AP4E1: variants seen among roughly 807,000 people sequenced by gnomAD.
The protein encoded by AP4E1 is adaptor related protein complex 4 subunit epsilon 1, also known as AP-4 complex subunit epsilon-1.
AP4E1 carries 56 observed loss-of-function variants against 128.2 expected under a neutral mutation model. The ratio of observed to expected loss-of-function variants is 0.44; its 90% CI spans 0.35 to 0.55. The LOEUF (loss-of-function observed/expected upper bound fraction) is 0.55. AP4E1 is among the 20% of genes least tolerant of loss of function. The pLI, the probability that AP4E1 is intolerant of heterozygous loss-of-function variation, is 0.00. For missense variants in AP4E1, 1,324 were observed against 1,307.7 expected, an observed-to-expected ratio of 1.01 and a Z score of -0.19; for synonymous variants, 484 against 473.1, an observed-to-expected ratio of 1.02 and a Z score of -0.30.
chr15:50,919,993 CT>C (rs1247453625), intron 3 of AP4E1, among the ~76,000 whole-genome samples: 1 of 145,050 alleles, frequency 6.9e-6, no homozygotes, highest in Non-Finnish European at 1.5e-5. Context: ...CAGAGGATTG[CT>C]TGAACCTGGG....
chr15:50,964,991 A>ACACACACACACACC, intron 14 of AP4E1, among the ~76,000 whole-genome samples: 1 of 150,674 alleles, frequency 6.6e-6, no homozygotes, highest in Non-Finnish European at 1.5e-5. Flanking sequence ...ACACACACAC[A>ACACACACACACACC]CTGGACTTTC....
At chr15:50,910,325 A>G (rs1048779065) in intron 1 of AP4E1, among the ~76,000 whole-genome samples, 2 of 152,152 alleles carry the variant, frequency 1.3e-5, no homozygotes, top group African/African-American at 4.8e-5. Context: ...TAGTATACCG[A>G]TTCACAGCTA....
intron 10 of AP4E1, among the ~76,000 whole-genome samples, chr15:50,946,793 C>T (rs914872882): frequency 6.6e-6 from 1 of 152,162 alleles, no homozygotes; most frequent in Non-Finnish European, 1.5e-5. Flanking sequence ...CTGTGGCAAG[C>T]CATGCAAATG....
intron 15 of AP4E1, among the ~76,000 whole-genome samples, chr15:50,974,664 C>T (rs1426508874): frequency 6.6e-6 from 1 of 152,168 alleles, no homozygotes; most frequent in South Asian, 2.1e-4. Flanking sequence ...CTGACTTCTT[C>T]ACATCCTTCC....
At chr15:50,965,567 G>A (rs1461038448) in intron 14 of AP4E1, among the ~76,000 whole-genome samples, 1 of 152,204 alleles carries the variant, frequency 6.6e-6, no homozygotes, top group East Asian at 1.9e-4. Flanking sequence ...ATATTGCAGA[G>A]GATACAGAGG....
intron 11 of AP4E1, among the ~76,000 whole-genome samples, chr15:50,948,675 A>G (rs75896376): frequency 1.6e-3 from 247 of 152,344 alleles, no homozygotes; most frequent in Admixed American, 3.5e-3. Context: ...CATTCATTAA[A>G]AAATGTTACT....
intron 19 of AP4E1, among the ~76,000 whole-genome samples, chr15:51,000,141 CTT>C (rs11383470): frequency 4.1e-5 from 5 of 120,808 alleles, no homozygotes; most frequent in Admixed American, 9.5e-5. Flanking sequence ...TTTGTTCATT[CTT>C]TTTTTTTTTT....
At chr15:50,909,726 C>T (rs1486889496) in intron 1 of AP4E1, among the ~76,000 whole-genome samples, 2 of 151,976 alleles carry the variant, frequency 1.3e-5, no homozygotes, top group Non-Finnish European at 2.9e-5. Flanking sequence ...CTCGCTCTGT[C>T]GCGCAGGCTG....
chr15:50,950,253 C>G (rs754436457), intron 13 of AP4E1, 84 bp downstream of exon 13: 7 of 962,356 alleles, frequency 7.3e-6, no homozygotes, highest in Non-Finnish European at 1.1e-5. Flanking sequence ...AGAAACCATT[C>G]GCTTTACTCA....
intron 15 of AP4E1, among the ~76,000 whole-genome samples, chr15:50,971,415 C>T (rs1771101060): frequency 6.6e-6 from 1 of 152,074 alleles, no homozygotes; most frequent in South Asian, 2.1e-4. Flanking sequence ...CTAAAATGTG[C>T]CACAAAAAGG....
chr15:50,995,333 A>T (rs1004982184), intron 17 of AP4E1, among the ~76,000 whole-genome samples: 1 of 149,326 alleles, frequency 6.7e-6, no homozygotes, highest in Admixed American at 6.6e-5. Flanking sequence ...TTTTGAATTA[A>T]TTTTTTATAT....
chr15:50,960,666 A>T (rs2064300317), intron 14 of AP4E1, among the ~76,000 whole-genome samples: 1 of 152,120 alleles, frequency 6.6e-6, no homozygotes, highest in Non-Finnish European at 1.5e-5. Flanking sequence ...ATAAGCACAT[A>T]CATCAGAAAA....
At chr15:50,919,980 G>T (rs114178510) in intron 3 of AP4E1, among the ~76,000 whole-genome samples, 7,044 of 151,244 alleles carry the variant, frequency 0.047, 169 homozygotes, top group African/African-American at 0.072. Context: ...GGGAGGCTGG[G>T]GTCAGAGGAT....
At chr15:50,921,219 G>A (rs1178394443) in intron 3 of AP4E1, among the ~76,000 whole-genome samples, 3 of 151,410 alleles carry the variant, frequency 2.0e-5, no homozygotes, top group Non-Finnish European at 4.4e-5. Context: ...CAAACTTCTG[G>A]CCTCAAGCAG....
intron 11 of AP4E1, 44 bp from the exon 12 acceptor site, chr15:50,949,782 T>C (rs2064119191): frequency 7.1e-7 from 1 of 1,412,782 alleles, no homozygotes; most frequent in Non-Finnish European, 1.0e-6. Context: ...GTAATTTTAA[T>C]AAGTAGCATT....
At chr15:50,944,257 C>T (rs1480361635) in intron 10 of AP4E1, among the ~76,000 whole-genome samples, 1 of 152,150 alleles carries the variant, frequency 6.6e-6, no homozygotes, top group Non-Finnish European at 1.5e-5. Flanking sequence ...GTTCAGTGAT[C>T]TGTAGCTTGG....
intron 15 of AP4E1, among the ~76,000 whole-genome samples, chr15:50,975,275 C>G (rs972120765): frequency 6.6e-6 from 1 of 152,118 alleles, no homozygotes; most frequent in Admixed American, 6.6e-5. Context: ...CGTGGTGGTG[C>G]ATGCTTGTAA....
At chr15:50,910,586 G>A (rs185702878) in intron 1 of AP4E1, among the ~76,000 whole-genome samples, 10 of 152,352 alleles carry the variant, frequency 6.6e-5, no homozygotes, top group East Asian at 5.8e-4. Context: ...TTTTTTGGCA[G>A]CTCTAATAAG....
chr15:50,912,460 CATG>C (rs900829972), intron 2 of AP4E1, among the ~76,000 whole-genome samples: 1 of 152,184 alleles, frequency 6.6e-6, no homozygotes, highest in African/African-American at 2.4e-5. Flanking sequence ...GGGATTTCAA[CATG>C]ATATTTTCAG....
Sources: allele counts gnomAD v4.1 joint callset (sites outside exome capture counted in the v4.1 genomes callset), GRCh38; gene constraint gnomAD v4.1.1; transcripts MANE v1.5; gene names NCBI Gene and HGNC (gene_info 2026-07-23, HGNC 2026-07-21).